Variants in TG observed in about 807,000 individuals in gnomAD.
The protein encoded by TG is thyroglobulin, also known as thyroid hormones.
TG carries 270 observed loss-of-function variants against 324.7 expected under a neutral mutation model. The ratio of observed to expected loss-of-function variants is 0.83; its 90% CI spans 0.75 to 0.92. The LOEUF (loss-of-function observed/expected upper bound fraction) is 0.92, where lower values mean the gene tolerates loss of function less well. Among genes scored for constraint, TG ranks in the 40% least tolerant of loss-of-function variants. The probability of loss-of-function intolerance (pLI) is 0.00; values close to 1 mark genes in which losing one functional copy is unlikely to be tolerated. For missense variants in TG, 3,591 were observed against 3,456.4 expected, an observed-to-expected ratio of 1.04 and a Z score of -0.98; for synonymous variants, 1,401 against 1,327.0, an observed-to-expected ratio of 1.06 and a Z score of -1.21.
chr8:132,978,506 T>C (rs1830441716), intron 34 of TG, among the ~76,000 whole-genome samples: 1 of 152,140 alleles, frequency 6.6e-6, no homozygotes. Flanking sequence ...AGGAGGGTGC[T>C]GTTCTCCTCC....
chr8:132,962,947 C>T, intron 28 of TG, 47 bp from the exon 29 acceptor site: 1 of 1,552,740 alleles, frequency 6.4e-7, no homozygotes, highest in Non-Finnish European at 8.9e-7. Context: ...CAGTGGAGTA[C>T]TACCCATTCT....
At chr8:132,923,659 A>G in intron 22 of TG, 151 bp downstream of exon 22, 1 of 874,660 alleles carries the variant, frequency 1.1e-6, no homozygotes, top group South Asian at 1.9e-5. Flanking sequence ...GAAGAACCGC[A>G]AAATGAACAA....
intron 27 of TG, among the ~76,000 whole-genome samples, chr8:132,955,480 C>T (rs866913742): frequency 2.6e-5 from 4 of 152,334 alleles, no homozygotes; most frequent in South Asian, 2.1e-4. Context: ...AATCAAGCCA[C>T]GGCTCTAGGG....
intron 35 of TG, among the ~76,000 whole-genome samples, chr8:132,989,426 T>C (rs1330540486): frequency 6.6e-6 from 1 of 152,212 alleles, no homozygotes; most frequent in African/African-American, 2.4e-5. Flanking sequence ...TTTTGAGCAA[T>C]GGGTGCAGCA....
intron 38 of TG, 25 bp from the exon 39 acceptor site, chr8:133,019,577 G>C: frequency 6.2e-7 from 1 of 1,608,958 alleles, no homozygotes; most frequent in Non-Finnish European, 8.5e-7. Context: ...GCATGTCTTG[G>C]AAGTCACCCA....
chr8:133,103,583 C>A (rs1291612049), intron 43 of TG, among the ~76,000 whole-genome samples: 13 of 152,294 alleles, frequency 8.5e-5, no homozygotes, highest in African/African-American at 2.9e-4. Flanking sequence ...TTCATTATTA[C>A]ATTTTCATTA....
intron 40 of TG, among the ~76,000 whole-genome samples, chr8:133,029,208 G>T (rs960144632): frequency 2.6e-5 from 4 of 151,028 alleles, no homozygotes; most frequent in African/African-American, 9.8e-5. Flanking sequence ...TGCTATACTT[G>T]TTTGTATCTA....
chr8:133,080,209 A>C (rs1016850629), intron 41 of TG, among the ~76,000 whole-genome samples: 6 of 152,192 alleles, frequency 3.9e-5, no homozygotes, highest in African/African-American at 1.4e-4. Flanking sequence ...TGGGGCTGGA[A>C]ATACTTGTGT....
chr8:133,120,499 C>A, intron 45 of TG, among the ~76,000 whole-genome samples: 1 of 152,176 alleles, frequency 6.6e-6, no homozygotes, highest in Non-Finnish European at 1.5e-5. Context: ...TCAACAGGAG[C>A]ATGCTCCCCC....
At position 133,022,774 on chromosome 8, in the gene TG, A is replaced by AC. The variant is rs371954867; in HGVS notation, c.7036+626dup. Reference sequence around the variant, plus strand: ...TCCATCCACGTCTTTTCCTCCAGCTACCACATGCAGCAGGGAATGTATCAG... The same window carrying AC: ...TCCATCCACGTCTTTTCCTCCAGCTACCCACATGCAGCAGGGAATGTATCAG... On this transcript the variant is annotated intron_variant, in intron 40 of 47. Transcript: ENST00000220616. Among the ~76,000 whole-genome samples, 7 of 152,230 alleles carry AC rather than the reference A, an allele frequency of 4.6e-5. No individual in the cohort carries two copies. The East Asian group carries it at 1.4e-3, about 29-fold the overall frequency.
chr8:133,026,524 C>T (rs1258976295), intron 40 of TG, among the ~76,000 whole-genome samples: 1 of 152,200 alleles, frequency 6.6e-6, no homozygotes, highest in African/African-American at 2.4e-5. Context: ...GTTGTTGTTC[C>T]TCTCTGTCTG....
At chr8:132,990,164 A>ATG (rs1832130361) in intron 35 of TG, among the ~76,000 whole-genome samples, 2 of 148,224 alleles carry the variant, frequency 1.3e-5, no homozygotes, top group Non-Finnish European at 1.5e-5. Context: ...ACAATTATAT[A>ATG]TATATATATA....
chr8:132,910,083 G>A (rs1372138924), intron 18 of TG, among the ~76,000 whole-genome samples: 1 of 152,200 alleles, frequency 6.6e-6, no homozygotes, highest in African/African-American at 2.4e-5. Context: ...GCACACAGTA[G>A]GATCTCATTA....
intron 45 of TG, among the ~76,000 whole-genome samples, chr8:133,118,735 G>A (rs912949203): frequency 6.6e-6 from 1 of 152,036 alleles, no homozygotes; most frequent in African/African-American, 2.4e-5. Context: ...CAGTCTATTC[G>A]AGCTGCCGTA....
At position 132,871,319 on chromosome 8, in the gene TG, C is replaced by T. The variant is rs372806128; in HGVS notation, c.275-29C>T. The T allele has an allele frequency of 6.4e-5, 103 of 1,611,968 alleles. 3 individuals are homozygous for T. The Middle Eastern group carries it at 4.0e-3, about 62-fold the overall frequency. ...GCCCCCTGGAAATTTCCCTGCAGTTCTATCTAACATTGCTCCTTGTACCCA... is the reference window on the plus strand; with the variant it reads ...GCCCCCTGGAAATTTCCCTGCAGTTTTATCTAACATTGCTCCTTGTACCCA... On this transcript the variant is annotated intron_variant, in intron 3 of 47. Coordinates refer to ENST00000220616, the MANE Select transcript of TG (RefSeq NM_003235.5).
At chr8:132,886,207 C>A (rs534728762) in intron 8 of TG, among the ~76,000 whole-genome samples, 7 of 152,122 alleles carry the variant, frequency 4.6e-5, no homozygotes, top group Non-Finnish European at 7.3e-5. Context: ...AGGGATGAAC[C>A]TCTAGTGAGA....
chr8:132,994,276 A>C (rs1832662620), intron 35 of TG, among the ~76,000 whole-genome samples: 1 of 152,244 alleles, frequency 6.6e-6, no homozygotes, highest in African/African-American at 2.4e-5. Context: ...TGGAATTAAC[A>C]AAGTTATTCA....
At chr8:132,977,047 C>T (rs1475189023) in intron 34 of TG, among the ~76,000 whole-genome samples, 2 of 152,180 alleles carry the variant, frequency 1.3e-5, no homozygotes, top group Non-Finnish European at 2.9e-5. Flanking sequence ...CCAAAACACA[C>T]TTATTAGCTG....
chr8:132,972,312 G>A (rs368391518), intron 33 of TG: 7 of 519,752 alleles, frequency 1.3e-5, no homozygotes, highest in Admixed American at 3.2e-5. Flanking sequence ...TTCCTCGTAA[G>A]GTTATGTGAG....
Sources: gnomAD v4.1 joint callset for allele counts (sites outside exome capture counted in the v4.1 genomes callset) on GRCh38, gnomAD v4.1.1 for gene constraint, MANE v1.5 for transcripts, NCBI Gene and HGNC (gene_info 2026-07-23, HGNC 2026-07-21) for gene names.